The following RSF1 variants were observed in gnomAD, a reference collection of about 807,000 sequenced individuals.
RSF1 encodes remodeling and spacing factor 1.
In RSF1, 13 loss-of-function variants were observed where a neutral mutation model predicts 145.2. The ratio of observed to expected loss-of-function variants is 0.09; its 90% CI spans 0.06 to 0.14. The LOEUF (loss-of-function observed/expected upper bound fraction) is 0.14. Among genes scored for constraint, RSF1 ranks in the 10% least tolerant of loss-of-function variants. The pLI, the probability that RSF1 is intolerant of heterozygous loss-of-function variation, is 1.00. For missense variants in RSF1, 1,517 were observed against 1,718.2 expected (o/e 0.88, Z 2.07); for synonymous variants, 577 against 592.6 (o/e 0.97, Z 0.38).
chr11:77,800,998 TTCTC>T (rs1264697437), intron 1 of RSF1, among the ~76,000 whole-genome samples: 57 of 150,264 alleles, frequency 3.8e-4, no homozygotes, highest in Middle Eastern at 3.4e-3. Context: ...GAGCCAGGCC[TTCTC>T]TCTCTCTCTC....
At chr11:77,755,580 G>T (rs1157975418) in intron 2 of RSF1, among the ~76,000 whole-genome samples, 1 of 130,114 alleles carries the variant, frequency 7.7e-6, no homozygotes, top group Non-Finnish European at 1.6e-5. Context: ...TCTGAATCAA[G>T]AAGATTTTTT....
chr11:77,705,884 C>A (rs1419733322), intron 5 of RSF1, among the ~76,000 whole-genome samples: 5 of 151,974 alleles, frequency 3.3e-5, no homozygotes, highest in Non-Finnish European at 7.4e-5. Flanking sequence ...AAAAACCCAA[C>A]AAACCAACAA....
chr11:77,737,043 G>A (rs1961370181), intron 4 of RSF1, among the ~76,000 whole-genome samples: 1 of 152,126 alleles, frequency 6.6e-6, no homozygotes, highest in African/African-American at 2.4e-5. Context: ...CGTTATTTGG[G>A]CAATGTTCCC....
At chr11:77,751,429 C>T (rs1590866914) in intron 2 of RSF1, among the ~76,000 whole-genome samples, 1 of 151,288 alleles carries the variant, frequency 6.6e-6, no homozygotes, top group East Asian at 2.0e-4. Context: ...GAAGACAGGT[C>T]GCAGACCTCC....
At chr11:77,788,185 T>TAAAAAAAAAAAA in intron 1 of RSF1, among the ~76,000 whole-genome samples, 1 of 52,998 alleles carries the variant, frequency 1.9e-5, no homozygotes, top group Middle Eastern at 0.014. Context: ...AAATTAGGGG[T>TAAAAAAAAAAAA]AAAAAAAAAA....
the RSF1 span, among the ~76,000 whole-genome samples, chr11:77,838,154 C>T: frequency 4.5e-4 from 69 of 152,244 alleles, no homozygotes; most frequent in Non-Finnish European, 7.8e-4. Context: ...TTCTAATCGT[C>T]TTTAGTTGGA....
chr11:77,860,385 C>T, the RSF1 span, among the ~76,000 whole-genome samples: 1 of 152,182 alleles, frequency 6.6e-6, no homozygotes, highest in African/African-American at 2.4e-5. Context: ...GAGGATAAGC[C>T]AGTGTGGGCT....
At chr11:77,699,578 A>C (rs1280773818) in intron 6 of RSF1, among the ~76,000 whole-genome samples, 1 of 152,192 alleles carries the variant, frequency 6.6e-6, no homozygotes, top group Non-Finnish European at 1.5e-5. Context: ...GCTTAAAATA[A>C]CAGGGTCATA....
intron 1 of RSF1, among the ~76,000 whole-genome samples, chr11:77,799,468 C>T (rs912759494): frequency 2.1e-5 from 3 of 145,112 alleles, no homozygotes; most frequent in Non-Finnish European, 3.0e-5. Context: ...CTTGTCTATG[C>T]ACTTCAGCCT....
chr11:77,667,559 T>A, intron 15 of RSF1, 68 bp from the exon 16 acceptor site: 1 of 1,365,858 alleles, frequency 7.3e-7, no homozygotes, highest in Non-Finnish European at 1.0e-6. Flanking sequence ...CTCCTTTTCC[T>A]CCCGATATTC....
intron 6 of RSF1, 80 bp downstream of exon 6, chr11:77,700,641 G>A (rs771708638): frequency 2.6e-5 from 26 of 1,013,596 alleles, no homozygotes; most frequent in Non-Finnish European, 3.3e-5. Flanking sequence ...TGTCTTTGAT[G>A]ACTAAGTTTT....
At chr11:77,849,849 T>C in the RSF1 span, among the ~76,000 whole-genome samples, 1 of 152,226 alleles carries the variant, frequency 6.6e-6, no homozygotes, top group South Asian at 2.1e-4. Flanking sequence ...GGCTTTTGCA[T>C]TATCTCCTCT....
intron 15 of RSF1, among the ~76,000 whole-genome samples, 200 bp from the exon 16 acceptor site, chr11:77,667,691 G>C (rs1199123093): frequency 6.6e-6 from 1 of 152,076 alleles, no homozygotes; most frequent in Non-Finnish European, 1.5e-5. Context: ...CTTTATTTAT[G>C]ATTTTAGACA....
chr11:77,734,291 A>G (rs964882110), intron 4 of RSF1, among the ~76,000 whole-genome samples: 2 of 138,588 alleles, frequency 1.4e-5, no homozygotes, highest in African/African-American at 6.0e-5. Context: ...TATTTATATT[A>G]TTATTATTAC....
chr11:77,813,239 G>A (rs539968097), intron 1 of RSF1: 1 of 564,912 alleles, frequency 1.8e-6, no homozygotes, highest in East Asian at 2.8e-5. Flanking sequence ...CATGAAAGTA[G>A]TCTAATGATG....
rs1450052332 is a variant in RSF1, at chr11:77,662,167, G to T, written c.*4750C>A. The T allele has an allele frequency of 1.3e-5, 2 of 151,902 alleles. No individual in the cohort carries two copies. Among genetic ancestry groups the T allele is most frequent in the African/African-American group, 4.8e-5 (2 of 41,368 alleles). 9.4% of individuals were successfully genotyped at this position (151,902 alleles called of 1,614,324 possible). A position where few individuals can be genotyped will look rare whatever the true frequency, so the allele number is the denominator to read the frequency against. ...TTTTATAAATTTCTACTCATCTATT[G>T]TTATGCCCTCTTATATAACTTATGT... On this transcript the variant is annotated 3_prime_UTR_variant, in exon 16 of 16. Transcript: ENST00000308488.
chr11:77,861,908 C>CA, the RSF1 span, among the ~76,000 whole-genome samples: 3 of 152,194 alleles, frequency 2.0e-5, no homozygotes, highest in African/African-American at 7.2e-5. Context: ...CTAATGTCTG[C>CA]AGCTGACTGA....
In RSF1 at chr11:77,725,628, G is replaced by C; in HGVS notation, c.650C>G (p.Ser217Cys). The change falls in exon 5 of 16, where the codon TCT (serine) becomes TGT (cysteine). Residue 217 changes from serine to cysteine, a missense_variant. Coordinates refer to ENST00000308488, the MANE Select transcript of RSF1 (RefSeq NM_016578.4). ...CCGAGAAGAGTTGTCTTGTTGGCTA[G>C]AGTTTTTCAATAGTACAGGATCAAT... ...AQIDPVLLKN[S>C]SQQDNSSRES... is the part of the protein sequence containing the mutation. The C allele has an allele frequency of 6.2e-7, 1 of 1,612,264 alleles. No individual in the cohort carries two copies. Among genetic ancestry groups the C allele is most frequent in the Non-Finnish European group, 8.5e-7 (1 of 1,179,122 alleles).
intron 1 of RSF1, among the ~76,000 whole-genome samples, chr11:77,768,919 C>G (rs1182104292): frequency 3.3e-5 from 5 of 152,222 alleles, no homozygotes; most frequent in Non-Finnish European, 7.3e-5. Context: ...CCATTAGCCA[C>G]ATGTGTCTAC....
Sources: gnomAD v4.1 joint callset for allele counts (sites outside exome capture counted in the v4.1 genomes callset) on GRCh38, gnomAD v4.1.1 for gene constraint, MANE v1.5 for transcripts, NCBI Gene and HGNC (gene_info 2026-07-23, HGNC 2026-07-21) for gene names.